ZFYVE16: variants seen among roughly 807,000 people sequenced by gnomAD.
The protein encoded by ZFYVE16 is zinc finger FYVE domain-containing protein 16.
In ZFYVE16, 89 loss-of-function variants were observed where a neutral mutation model predicts 138.1. The observed-to-expected ratio is 0.64, with a 90% CI of 0.54 to 0.77. The LOEUF (loss-of-function observed/expected upper bound fraction) is 0.77. ZFYVE16 is among the 30% of genes least tolerant of loss of function. ZFYVE16 has a pLI of 0.00. For synonymous variants in ZFYVE16, 596 were observed against 618.3 expected (o/e 0.96, Z 0.53); for missense variants, 1,793 against 1,786.7 (o/e 1.00, Z -0.06).
In ZFYVE16 at chr5:80,480,027, A is replaced by T. The variant is rs991128084; in HGVS notation, c.*2650A>T. Among the ~76,000 whole-genome samples the T allele has an allele frequency of 5.9e-5, 9 of 152,184 alleles. No individual in the cohort carries two copies. The highest frequency in any genetic ancestry group is 2.2e-4 in the African/African-American group (9 of 41,442). On this transcript the variant is annotated 3_prime_UTR_variant, in exon 19 of 19. Coordinates refer to ENST00000505560, the MANE Select transcript of ZFYVE16 (RefSeq NM_001284236.3). ...AGGTGACAGAGAAAATAAAATGTAAATACTTTTCATGGAAAAGTAATTTCA... is the reference window on the plus strand; with the variant it reads ...AGGTGACAGAGAAAATAAAATGTAATTACTTTTCATGGAAAAGTAATTTCA...
chr5:80,410,334 A>C (rs1330978622), intron 1 of ZFYVE16: 2 of 152,200 alleles, frequency 1.3e-5, no homozygotes, highest in Non-Finnish European at 2.9e-5. Flanking sequence ...TGCTTTAAAA[A>C]AAAAAATCAC....
rs772310803 is a variant in ZFYVE16 at position 80,438,830 on chromosome 5, A to C, written c.2145A>C (p.Gly715=). The C allele has an allele frequency of 6.2e-7, 1 of 1,614,112 alleles. No individual in the cohort carries two copies. The highest frequency in any genetic ancestry group is 1.3e-5 in the African/African-American group (1 of 75,052). ...YIDIESNSEG[G]SSFVTANEDS... ...ATATAGAAAGTAATTCTGAAGGTGG[A>C]TCTAGTTTCGTAACTGCAAATGAAG... is the stretch of plus-strand genomic sequence containing the variant. The change falls in exon 4 of 19, where the codon GGA becomes GGC. Residue 715 remains glycine (G), a synonymous_variant. Coordinates refer to ENST00000505560, the MANE Select transcript of ZFYVE16 (RefSeq NM_001284236.3).
chr5:80,412,834 C>T (rs886489592), intron 1 of ZFYVE16, among the ~76,000 whole-genome samples: 4 of 152,036 alleles, frequency 2.6e-5, no homozygotes, highest in South Asian at 2.1e-4. Flanking sequence ...TTATATTTAT[C>T]GAAGGGATAC....
chr5:80,473,912 T>C, intron 17 of ZFYVE16, 53 bp downstream of exon 17: 4 of 1,404,700 alleles, frequency 2.8e-6, no homozygotes, highest in Non-Finnish European at 4.0e-6. Flanking sequence ...TGATTTTTGT[T>C]CTTTGGAGAT....
At position 80,437,759 on chromosome 5, in the gene ZFYVE16, A is replaced by G. The variant is rs1347524375; in HGVS notation, c.1074A>G (p.Gln358=). The part of the protein sequence containing the change: ...SLDLKDNDVI[Q]DSSSALHVSS... ...ACCTTAAGGATAATGATGTAATCCA[A>G]GATTCCTCTTCAGCTTTACATGTTT... is the stretch of plus-strand genomic sequence containing the variant. Residue 358 remains glutamine (Q), a synonymous_variant, in exon 4 of 19, where the codon CAA becomes CAG. Coordinates refer to ENST00000505560, the MANE Select transcript of ZFYVE16 (RefSeq NM_001284236.3). The G allele has an allele frequency of 6.2e-7, 1 of 1,614,176 alleles. No individual in the cohort carries two copies. Among genetic ancestry groups the G allele is most frequent in the East Asian group, 2.2e-5 (1 of 44,884 alleles).
intron 3 of ZFYVE16, among the ~76,000 whole-genome samples, chr5:80,434,446 A>T (rs969295099): frequency 1.3e-5 from 2 of 152,194 alleles, no homozygotes; most frequent in Non-Finnish European, 2.9e-5. Flanking sequence ...CTAGATACAA[A>T]TTAGCTATAA....
chr5:80,454,708 C>G (rs1410047491), intron 11 of ZFYVE16: 1 of 152,298 alleles, frequency 6.6e-6, no homozygotes, highest in Non-Finnish European at 1.5e-5. Context: ...GACAGGGTTT[C>G]ACCATGTTAG....
At chr5:80,427,709 T>A (rs1158445789) in intron 2 of ZFYVE16, among the ~76,000 whole-genome samples, 164 bp downstream of exon 2, 1 of 149,644 alleles carries the variant, frequency 6.7e-6, no homozygotes, top group Non-Finnish European at 1.5e-5. Context: ...GTGCAGTGTC[T>A]CATGCCTGTA....
intron 5 of ZFYVE16, chr5:80,440,286 C>T: frequency 9.0e-7 from 1 of 1,109,400 alleles, no homozygotes; most frequent in South Asian, 3.5e-5. Context: ...TACCAAGTCC[C>T]TAAATGCTGC....
intron 5 of ZFYVE16, chr5:80,440,618 A>G (rs1750566543): frequency 5.1e-6 from 5 of 971,294 alleles, no homozygotes; most frequent in South Asian, 9.6e-5. Flanking sequence ...ATTAGCTACA[A>G]TTATTAGCAA....
In ZFYVE16 at chr5:80,465,277, T is replaced by C. The variant is rs146400250; in HGVS notation, c.4024+5783T>C. Among the ~76,000 whole-genome samples, 295 of 152,110 alleles carry C rather than the reference T, an allele frequency of 1.9e-3. 2 individuals carry two copies. Among genetic ancestry groups the C allele is most frequent in the Admixed American group, 6.4e-3 (97 of 15,268 alleles). ...TGGGAATGTGCTAATTTCTCCTTCA[T>C]TTTTGAAGGAGAGTTTTGCTGGACA... On this transcript the variant is annotated intron_variant, in intron 15 of 18. Coordinates refer to ENST00000505560, the MANE Select transcript of ZFYVE16 (RefSeq NM_001284236.3).
At chr5:80,462,108 A>C (rs1400317106) in intron 15 of ZFYVE16, among the ~76,000 whole-genome samples, 1 of 152,178 alleles carries the variant, frequency 6.6e-6, no homozygotes, top group African/African-American at 2.4e-5. Context: ...TCAACATACG[A>C]ATTCTGGGGA....
At position 80,440,630 on chromosome 5, in the gene ZFYVE16, A is replaced by G. The variant is rs1750567899; in HGVS notation, c.2419+598A>G. 3 of 970,700 alleles carry G rather than the reference A, an allele frequency of 3.1e-6. No homozygotes were observed. The South Asian group carries it at 1.4e-4, about 47-fold the overall frequency. 60.1% of individuals were successfully genotyped at this position (970,700 alleles called of 1,614,324 possible). On this transcript the variant is annotated intron_variant, in intron 5 of 18. Coordinates refer to ENST00000505560, the MANE Select transcript of ZFYVE16 (RefSeq NM_001284236.3). ...CTAATTAGCTACAATTATTAGCAAT[A>G]TTCTTGGTGGTCTTTGAGTTCTCAC...
Position 80,440,047 on chromosome 5 carries a change from G to T in ZFYVE16, c.2419+15G>T. ...TATTAGTAAAGGTGAGTATTAACTT[G>T]ATATATTTTCTTCCAGTAATTGAAT... On this transcript the variant is annotated intron_variant, in intron 5 of 18. Transcript: ENST00000505560. 1.3e-6 allele frequency: 2 copies of T among 1,572,560 alleles called. No individual in the cohort carries two copies. Among genetic ancestry groups the T allele is most frequent in the South Asian group, 1.2e-5 (1 of 83,290 alleles).
At position 80,438,496 on chromosome 5, in the gene ZFYVE16, C is replaced by A. The variant is rs1218736240; in HGVS notation, c.1811C>A (p.Thr604Lys). ...TGTGAAATAGTTGATAAACAAAATA[C>A]AATAGAAAATGGCCTTTCTTTAGGA... ...IICEIVDKQNTIENGLSLGEK... is the reference protein window; with the variant it reads ...IICEIVDKQNKIENGLSLGEK... Residue 604 changes from threonine to lysine, a missense_variant, in exon 4 of 19, where the codon ACA (threonine) becomes AAA (lysine). Physicochemically the swap from Thr to Lys is moderately conservative, Grantham distance 78. Around this residue, in one of 2 missense-constraint regions of ZFYVE16, gnomAD observed 1,295 missense variants for 1,204.3 expected, o/e 1.08. Transcript: ENST00000505560. 6.2e-7 allele frequency: 1 copy of A among 1,613,362 alleles called. No individual in the cohort carries two copies. The highest frequency in any genetic ancestry group is 8.5e-7 in the Non-Finnish European group (1 of 1,179,768).
chr5:80,428,677 G>T (rs925440960), intron 2 of ZFYVE16, among the ~76,000 whole-genome samples: 1 of 152,164 alleles, frequency 6.6e-6, no homozygotes, highest in Non-Finnish European at 1.5e-5. Context: ...CAGGAAGTTC[G>T]AACCCATCGC....
intron 2 of ZFYVE16, among the ~76,000 whole-genome samples, chr5:80,433,664 C>T (rs1285941936): frequency 6.6e-6 from 1 of 151,534 alleles, no homozygotes; most frequent in Non-Finnish European, 1.5e-5. Context: ...AAAATAGTTT[C>T]ATTTGTTAGA....
At chr5:80,471,062 A>G (rs1416078209) in intron 15 of ZFYVE16, among the ~76,000 whole-genome samples, 1 of 152,192 alleles carries the variant, frequency 6.6e-6, no homozygotes, top group African/African-American at 2.4e-5. Flanking sequence ...TTCCTATCCC[A>G]GAAAAGCAGA....
At chr5:80,475,331 A>G (rs1169096184) in intron 18 of ZFYVE16, among the ~76,000 whole-genome samples, 1 of 152,248 alleles carries the variant, frequency 6.6e-6, no homozygotes, top group Non-Finnish European at 1.5e-5. Context: ...ACCTCGCTGA[A>G]TATTTGCGGA....
Sources: allele counts gnomAD v4.1 joint callset (sites outside exome capture counted in the v4.1 genomes callset), GRCh38; gene constraint gnomAD v4.1.1; regional missense constraint gnomAD v4.1.1; transcripts MANE v1.5; gene names NCBI Gene and HGNC (gene_info 2026-07-23, HGNC 2026-07-21).